The following GPAT4 variants were observed in gnomAD, a reference collection of about 807,000 sequenced individuals.
GPAT4 encodes glycerol-3-phosphate acyltransferase 4.
In GPAT4, 17 loss-of-function variants were observed where a neutral mutation model predicts 58.0. The observed-to-expected ratio is 0.29, with a 90% CI of 0.20 to 0.44. GPAT4 has a LOEUF of 0.44. Ranked by LOEUF, GPAT4 falls within the 20% of genes least tolerant of loss-of-function variation. The pLI, the probability that GPAT4 is intolerant of heterozygous loss-of-function variation, is 1.00. For synonymous variants in GPAT4, 204 were observed against 210.1 expected, an observed-to-expected ratio of 0.97 and a Z score of 0.25; for missense variants, 377 against 574.5, an observed-to-expected ratio of 0.66 and a Z score of 3.51.
intron 1 of GPAT4, among the ~76,000 whole-genome samples, chr8:41,592,663 C>T (rs1254770017): frequency 7.9e-5 from 12 of 152,076 alleles, no homozygotes; most frequent in African/African-American, 2.7e-4. Flanking sequence ...GCTAAATGCT[C>T]GGCTAATTGC....
chr8:41,610,103 C>T, intron 4 of GPAT4, 148 bp downstream of exon 4: 1 of 1,456,288 alleles, frequency 6.9e-7, no homozygotes. Flanking sequence ...TGGAGGGATA[C>T]ACTGGTGATT....
rs931386851 is a variant in GPAT4 at position 41,623,847 on chromosome 8, T to C, written c.*2846T>C. On this transcript the variant is annotated 3_prime_UTR_variant, in exon 13 of 13. Coordinates refer to ENST00000396987, the MANE Select transcript of GPAT4 (RefSeq NM_178819.4). ...CCCACCAGTTAGGGAACTTTTTTTT[T>C]TTTTTTAAACACGGAGTTTCACTCT... 1.3e-5 allele frequency: 2 copies of C among 152,210 alleles called. No individual in the cohort carries two copies. Among genetic ancestry groups the C allele is most frequent in the African/African-American group, 4.8e-5 (2 of 41,430 alleles). The allele number at this position is 152,210 out of a possible 1,614,324, so 9.4% of individuals were successfully genotyped here. A position where few individuals can be genotyped will look rare whatever the true frequency, so the allele number is the denominator to read the frequency against.
chr8:41,585,971 T>A (rs1358931651), intron 1 of GPAT4, among the ~76,000 whole-genome samples: 1 of 152,266 alleles, frequency 6.6e-6, no homozygotes, highest in East Asian at 1.9e-4. Flanking sequence ...AATAGCTTTA[T>A]TGAGATACAA....
In GPAT4 at chr8:41,622,033, C is replaced by T. The variant is rs1803767284; in HGVS notation, c.*1032C>T. 1 of 152,262 alleles carries T rather than the reference C, an allele frequency of 6.6e-6. No homozygotes were observed. Among genetic ancestry groups the T allele is most frequent in the Non-Finnish European group, 1.5e-5 (1 of 68,056 alleles). The allele number at this position is 152,262 out of a possible 1,614,324, so 9.4% of individuals were successfully genotyped here. A position where few individuals can be genotyped will look rare whatever the true frequency, so the allele number is the denominator to read the frequency against. The stretch of plus-strand genomic sequence containing the variant: ...CTGGGGCTGCGGAGAAGCCAACTGA[C>T]TGCTGGAGCGAGGAACCCTGCAGCT... On this transcript the variant is annotated 3_prime_UTR_variant, in exon 13 of 13. Transcript: ENST00000396987.
At chr8:41,612,555 G>C (rs576393233) in intron 7 of GPAT4, among the ~76,000 whole-genome samples, 8 of 152,332 alleles carry the variant, frequency 5.3e-5, no homozygotes, top group Admixed American at 5.2e-4. Context: ...AATCTGCCCA[G>C]GGAGGGGCAG....
intron 1 of GPAT4, among the ~76,000 whole-genome samples, chr8:41,595,325 C>CTTT (rs61465079): frequency 1.4e-4 from 10 of 73,846 alleles, no homozygotes; most frequent in African/African-American, 4.7e-4. Flanking sequence ...TTAAATCTTC[C>CTTT]TTTTTTTTTT....
chr8:41,609,603 C>T, intron 3 of GPAT4, 52 bp from the exon 4 acceptor site: 2 of 1,603,538 alleles, frequency 1.2e-6, no homozygotes, highest in Non-Finnish European at 1.7e-6. Flanking sequence ...CTGAGTATGT[C>T]TCACGTGCTC....
chr8:41,590,385 G>A (rs1440936479), intron 1 of GPAT4, among the ~76,000 whole-genome samples: 1 of 152,234 alleles, frequency 6.6e-6, no homozygotes, highest in Non-Finnish European at 1.5e-5. Context: ...TGCCCGGCCA[G>A]TGCTACTTCA....
chr8:41,604,708 C>G (rs1803210501), intron 2 of GPAT4, among the ~76,000 whole-genome samples: 1 of 152,182 alleles, frequency 6.6e-6, no homozygotes, highest in African/African-American at 2.4e-5. Context: ...ATGATGTGAT[C>G]TGTGTTAAAC....
At chr8:41,617,417 A>G (rs1013724596) in intron 10 of GPAT4, among the ~76,000 whole-genome samples, 2 of 152,128 alleles carry the variant, frequency 1.3e-5, no homozygotes, top group African/African-American at 4.8e-5. Context: ...CTTTCTGATC[A>G]TACACATTGC....
chr8:41,620,518 A>T (rs1358810043), intron 12 of GPAT4, among the ~76,000 whole-genome samples: 1 of 152,220 alleles, frequency 6.6e-6, no homozygotes, highest in Non-Finnish European at 1.5e-5. Flanking sequence ...CAGATACGTT[A>T]TGAGTCGATA....
intron 1 of GPAT4, among the ~76,000 whole-genome samples, chr8:41,589,898 G>C (rs917944567): frequency 6.6e-6 from 1 of 152,188 alleles, no homozygotes; most frequent in Admixed American, 6.5e-5. Context: ...CAGCAATGGT[G>C]GAGGAAAGGA....
intron 12 of GPAT4, among the ~76,000 whole-genome samples, chr8:41,620,130 A>G (rs952244117): frequency 6.6e-6 from 1 of 152,236 alleles, no homozygotes; most frequent in African/African-American, 2.4e-5. Context: ...TGCTTTTAAA[A>G]TCTATGCCTT....
intron 5 of GPAT4, 47 bp from the exon 6 acceptor site, chr8:41,611,856 T>G: frequency 1.3e-6 from 2 of 1,579,294 alleles, no homozygotes; most frequent in Admixed American, 1.7e-5. Context: ...TCTTTCTGTC[T>G]TCCTGTATGT....
chr8:41,600,047 TTTTTTTTC>T (rs1450924323), intron 2 of GPAT4, among the ~76,000 whole-genome samples: 3 of 140,034 alleles, frequency 2.1e-5, no homozygotes, highest in Admixed American at 7.1e-5. Context: ...TTTTTTTTTT[TTTTTTTTC>T]GAGACAAGAG....
Position 41,618,826 on chromosome 8 carries a change from C to G in GPAT4, c.1182+14C>G. ...ATGACTAGAGAGGTGAGTGCCTGCCCCAGGCAGGTCTGCGCCTGCTCTGTG... is the reference window on the plus strand; with the variant it reads ...ATGACTAGAGAGGTGAGTGCCTGCCGCAGGCAGGTCTGCGCCTGCTCTGTG... On this transcript the variant is annotated intron_variant, in intron 11 of 12. Coordinates refer to ENST00000396987, the MANE Select transcript of GPAT4 (RefSeq NM_178819.4). 6.2e-7 allele frequency: 1 copy of G among 1,614,192 alleles called. No individual in the cohort carries two copies. The highest frequency in any genetic ancestry group is 8.5e-7 in the Non-Finnish European group (1 of 1,180,040).
intron 3 of GPAT4, 75 bp from the exon 4 acceptor site, chr8:41,609,580 C>G: frequency 1.2e-6 from 2 of 1,601,334 alleles, no homozygotes; most frequent in Non-Finnish European, 1.7e-6. Flanking sequence ...TGCATTAGTG[C>G]AGGATGTGTG....
intron 1 of GPAT4, among the ~76,000 whole-genome samples, chr8:41,581,555 G>C (rs7005632): frequency 6.6e-6 from 1 of 151,376 alleles, no homozygotes; most frequent in Admixed American, 6.6e-5. Flanking sequence ...TGGCTCAAAC[G>C]GTCCTCCCGC....
chr8:41,596,360 C>T (rs1213052325), intron 1 of GPAT4, among the ~76,000 whole-genome samples: 2 of 152,176 alleles, frequency 1.3e-5, no homozygotes, highest in African/African-American at 4.8e-5. Context: ...TCAAGAGATC[C>T]AAGCCAGGTC....
Sources: allele counts gnomAD v4.1 joint callset (sites outside exome capture counted in the v4.1 genomes callset), GRCh38; gene constraint gnomAD v4.1.1; transcripts MANE v1.5; gene names NCBI Gene and HGNC (gene_info 2026-07-23, HGNC 2026-07-21).